FUT8: variants seen among roughly 807,000 people sequenced by gnomAD.
FUT8 encodes fucosyltransferase 8.
A neutral mutation model predicts 71.3 loss-of-function variants in FUT8; 29 were observed. That is an observed-to-expected ratio of 0.41 (90% confidence interval 0.30 to 0.55). The LOEUF is 0.55. Among genes scored for constraint, FUT8 ranks in the 20% least tolerant of loss-of-function variants. The pLI, the probability that FUT8 is intolerant of heterozygous loss-of-function variation, is 0.34. For missense variants in FUT8, 544 were observed against 702.1 expected (o/e 0.77, Z 2.55); for synonymous variants, 254 against 239.3 (o/e 1.06, Z -0.57).
chr14:65,535,457 C>T (rs1014118415), intron 2 of FUT8, among the ~76,000 whole-genome samples: 2 of 152,120 alleles, frequency 1.3e-5, no homozygotes, highest in South Asian at 2.1e-4. Flanking sequence ...ATAACACTGC[C>T]TTAGCTGTGT....
Position 65,721,926 on chromosome 14 carries a change from T to G in FUT8, c.987T>G (p.Ser329=), listed in dbSNP as rs748606319. The G allele has an allele frequency of 1.2e-6, 2 of 1,614,154 alleles. No homozygotes were observed. Among genetic ancestry groups the G allele is most frequent in the Non-Finnish European group, 1.7e-6 (2 of 1,180,030 alleles). Residue 329 remains serine, a synonymous_variant, in exon 8 of 11, where the codon TCT becomes TCG. Transcript: ENST00000673929. The stretch of plus-strand genomic sequence containing the variant: ...GTGACCCTGCAGTGTGGTGGGTGTC[T>G]CAGTTTGTCAAATACTTGATCCGCC... The part of the protein sequence containing the change: ...VHGDPAVWWV[S]QFVKYLIRPQ...
At chr14:65,585,147 A>G (rs974274836) in intron 3 of FUT8, among the ~76,000 whole-genome samples, 11 of 151,862 alleles carry the variant, frequency 7.2e-5, no homozygotes, top group African/African-American at 2.7e-4. Flanking sequence ...TAATTCTCTA[A>G]CCTACAGAAT....
Position 65,476,637 on chromosome 14 carries a change from ATTTTTTTTT to A in FUT8, c.-228+20945_-228+20953del, listed in dbSNP as rs200882761. ...TCAAGTGGTAGAGTTAAAGAAGTAG[ATTTTTTTTT>A]TTTTTTTTTTTTTTTTTTTTTTTTT... is the stretch of plus-strand genomic sequence containing the variant. On this transcript the variant is annotated intron_variant, in intron 2 of 10. Transcript: ENST00000673929. Among the ~76,000 whole-genome samples, 17 of 125,138 alleles carry A rather than the reference ATTTTTTTTT, an allele frequency of 1.4e-4. No individual in the cohort carries two copies. In the East Asian group the frequency reaches 2.9e-3, roughly 22 times the overall value. 82.1% of individuals were successfully genotyped at this position (125,138 alleles called of 152,430 possible).
chr14:65,617,019 T>C, intron 5 of FUT8: 2 of 1,506,346 alleles, frequency 1.3e-6, no homozygotes, highest in South Asian at 1.3e-5. Context: ...AAAATGTATC[T>C]GAAAATCATT....
chr14:65,586,305 C>G lies in FUT8; in HGVS notation c.203+24539C>G, dbSNP rs981885178. Among the ~76,000 whole-genome samples, 3 of 152,248 alleles carry G rather than the reference C, an allele frequency of 2.0e-5. No individual in the cohort carries two copies. In the South Asian group the frequency reaches 6.2e-4, roughly 32 times the overall value. The stretch of plus-strand genomic sequence containing the variant: ...CAGTGCTGGAGATGAATGTAGCAAT[C>G]TTTTTACATTTCTGAAATAAAGAAA... On this transcript the variant is annotated intron_variant, in intron 3 of 10. Coordinates refer to ENST00000673929, the MANE Select transcript of FUT8 (RefSeq NM_001371533.1).
intron 2 of FUT8, among the ~76,000 whole-genome samples, chr14:65,494,273 T>C (rs2066526138): frequency 6.6e-6 from 1 of 152,216 alleles, no homozygotes; most frequent in Non-Finnish European, 1.5e-5. Flanking sequence ...GAGTTTTACA[T>C]TCTTTTATTC....
At position 65,721,889 on chromosome 14, in the gene FUT8, T is replaced by A. The variant is rs1371512692; in HGVS notation, c.950T>A (p.Val317Glu). Reference protein sequence around the residue: ...AVPEDLADRLVRVHGDPAVWW... With the variant: ...AVPEDLADRLERVHGDPAVWW... The stretch of plus-strand genomic sequence containing the variant: ...CCAGAAGACCTCGCAGATCGACTTG[T>A]ACGAGTGCATGGTGACCCTGCAGTG... The change falls in exon 8 of 11, where the codon GTA becomes GAA. Residue 317 changes from valine (V) to glutamate (E), a missense_variant. Physicochemically the swap from Val to Glu is moderately radical, Grantham distance 121. Transcript: ENST00000673929. 1 of 1,614,102 alleles carries A rather than the reference T, an allele frequency of 6.2e-7. No individual in the cohort carries two copies. Among genetic ancestry groups the A allele is most frequent in the Non-Finnish European group, 8.5e-7 (1 of 1,180,032 alleles).
chr14:65,358,714 G>A, the FUT8 span, among the ~76,000 whole-genome samples: 1 of 152,200 alleles, frequency 6.6e-6, no homozygotes, highest in Non-Finnish European at 1.5e-5. Flanking sequence ...GCCTCCCAAA[G>A]TGCTGGGATT....
intron 3 of FUT8, among the ~76,000 whole-genome samples, chr14:65,599,356 T>A (rs2140164610): frequency 6.6e-6 from 1 of 152,354 alleles, no homozygotes; most frequent in African/African-American, 2.4e-5. Context: ...GTTCACCTCT[T>A]CTTCATCTTT....
At chr14:65,513,403 C>T (rs771651707) in intron 2 of FUT8, among the ~76,000 whole-genome samples, 1 of 152,206 alleles carries the variant, frequency 6.6e-6, no homozygotes, top group Non-Finnish European at 1.5e-5. Flanking sequence ...ACATATCCAG[C>T]TGCCTGGGAG....
chr14:65,420,017 TAAAC>T (rs1294027726), intron 1 of FUT8, among the ~76,000 whole-genome samples: 3 of 152,184 alleles, frequency 2.0e-5, no homozygotes, highest in Non-Finnish European at 2.9e-5. Flanking sequence ...AATTTGTAAG[TAAAC>T]AAACACACAA....
At chr14:65,560,978 A>T (rs1040281786) in intron 2 of FUT8, among the ~76,000 whole-genome samples, 1 of 152,204 alleles carries the variant, frequency 6.6e-6, no homozygotes, top group Non-Finnish European at 1.5e-5. Flanking sequence ...ATATAGCCCA[A>T]AATATGTGGT....
chr14:65,520,695 T>A (rs938470793), intron 2 of FUT8, among the ~76,000 whole-genome samples: 57 of 152,230 alleles, frequency 3.7e-4, no homozygotes, highest in African/African-American at 1.3e-3. Context: ...GTTTGAAAAC[T>A]ATGTCTATGG....
chr14:65,727,195 G>A (rs1895726824), intron 9 of FUT8, among the ~76,000 whole-genome samples: 1 of 152,132 alleles, frequency 6.6e-6, no homozygotes. Context: ...GGAGTCTGGA[G>A]GATGGTGGCC....
intron 1 of FUT8, among the ~76,000 whole-genome samples, chr14:65,454,503 A>T (rs2065870985): frequency 6.6e-6 from 1 of 152,184 alleles, no homozygotes; most frequent in Non-Finnish European, 1.5e-5. Context: ...TCTTAAAAAA[A>T]AAGAAAATAG....
chr14:65,725,851 T>G (rs1895658023), intron 9 of FUT8, among the ~76,000 whole-genome samples: 1 of 152,256 alleles, frequency 6.6e-6, no homozygotes, highest in Admixed American at 6.5e-5. Context: ...AAATTTAGAA[T>G]GAGGACTATA....
chr14:65,372,826 A>G, the FUT8 span, among the ~76,000 whole-genome samples: 1 of 151,538 alleles, frequency 6.6e-6, no homozygotes, highest in African/African-American at 2.4e-5. Context: ...TTCATTGTTC[A>G]TTTCTCCTGA....
chr14:65,605,356 A>G (rs1195674075), intron 3 of FUT8, among the ~76,000 whole-genome samples: 1 of 151,914 alleles, frequency 6.6e-6, no homozygotes, highest in African/African-American at 2.4e-5. Context: ...ATCCAGATTC[A>G]TATGTTGAAG....
chr14:65,663,611 A>C (rs369271964), intron 6 of FUT8, among the ~76,000 whole-genome samples: 1 of 152,100 alleles, frequency 6.6e-6, no homozygotes, highest in Admixed American at 6.6e-5. Context: ...TCACCCTTCA[A>C]GTCTTCCATT....
Sources: allele counts gnomAD v4.1 joint callset (sites outside exome capture counted in the v4.1 genomes callset), GRCh38; gene constraint gnomAD v4.1.1; transcripts MANE v1.5; gene names NCBI Gene and HGNC (gene_info 2026-07-23, HGNC 2026-07-21).